PI4KA: variants seen among roughly 807,000 people sequenced by gnomAD.
PI4KA encodes the protein phosphatidylinositol 4-kinase alpha.
PI4KA carries 122 observed loss-of-function variants against 271.4 expected under a neutral mutation model. The observed-to-expected ratio is 0.45, with a 90% confidence interval of 0.39 to 0.52. The LOEUF (loss-of-function observed/expected upper bound fraction) is 0.52, where lower values mean the gene tolerates loss of function less well. Ranked by LOEUF, PI4KA falls within the 20% of genes least tolerant of loss-of-function variation. PI4KA has a pLI of 0.00. For missense variants in PI4KA, 1,969 were observed against 2,769.1 expected, an observed-to-expected ratio of 0.71 and a Z score of 6.48; for synonymous variants, 1,041 against 1,078.8, an observed-to-expected ratio of 0.96 and a Z score of 0.69.
chr22:20,844,959 T>A (rs1004477831), intron 1 of PI4KA, among the ~76,000 whole-genome samples: 1 of 152,172 alleles, frequency 6.6e-6, no homozygotes, highest in Non-Finnish European at 1.5e-5. Flanking sequence ...GCAAGTTGTT[T>A]GTTTTTAGGG....
intron 29 of PI4KA, among the ~76,000 whole-genome samples, chr22:20,745,191 T>C (rs956126577): frequency 2.0e-5 from 3 of 152,112 alleles, no homozygotes; most frequent in Admixed American, 6.5e-5. Context: ...ACACCTTGAA[T>C]ACAAAGGCAA....
At chr22:20,813,888 T>C (rs953770739) in intron 7 of PI4KA, among the ~76,000 whole-genome samples, 1 of 152,196 alleles carries the variant, frequency 6.6e-6, no homozygotes, top group Non-Finnish European at 1.5e-5. Context: ...AACCTCTGCC[T>C]CCCAGGTTCA....
At chr22:20,836,056 A>AAACAAAACAG (rs1440517740) in intron 2 of PI4KA, among the ~76,000 whole-genome samples, 2 of 150,008 alleles carry the variant, frequency 1.3e-5, no homozygotes, top group African/African-American at 4.9e-5. Context: ...CATTTCAAAA[A>AAACAAAACAG]AACAAAACAA....
intron 16 of PI4KA, 81 bp downstream of exon 16, chr22:20,799,012 T>G: frequency 8.8e-7 from 1 of 1,140,328 alleles, no homozygotes; most frequent in Non-Finnish European, 1.3e-6. Flanking sequence ...ATATTTAATC[T>G]GTATTTGTAC....
intron 14 of PI4KA, among the ~76,000 whole-genome samples, chr22:20,800,086 C>A (rs553764188): frequency 6.6e-6 from 1 of 152,250 alleles, no homozygotes; most frequent in East Asian, 1.9e-4. Flanking sequence ...CAAAGACAAA[C>A]GGTCCCAAGA....
At chr22:20,818,591 G>A (rs778059321) in intron 6 of PI4KA, 42 bp from the exon 7 acceptor site, 1 of 1,430,774 alleles carries the variant, frequency 7.0e-7, no homozygotes, top group African/African-American at 1.5e-5. Flanking sequence ...AAAGACCAGT[G>A]AGACCTCCAT....
chr22:20,786,664 A>G (rs1934257437), intron 19 of PI4KA, among the ~76,000 whole-genome samples: 1 of 152,148 alleles, frequency 6.6e-6, no homozygotes, highest in Non-Finnish European at 1.5e-5. Context: ...AGGCACTGCC[A>G]AGAGGGAACA....
intron 9 of PI4KA, among the ~76,000 whole-genome samples, chr22:20,809,550 T>C (rs1935874255): frequency 6.6e-6 from 1 of 151,436 alleles, no homozygotes; most frequent in Non-Finnish European, 1.5e-5. Flanking sequence ...GTCCCAGAGG[T>C]GGAGTGCAGG....
At chr22:20,808,324 G>A (rs983949898) in intron 9 of PI4KA, among the ~76,000 whole-genome samples, 2 of 150,564 alleles carry the variant, frequency 1.3e-5, no homozygotes, top group Admixed American at 6.6e-5. Context: ...AGTGGCTCTC[G>A]CCTGTAATCC....
At position 20,713,334 on chromosome 22, in the gene PI4KA, G is replaced by C; in HGVS notation, c.5518C>G (p.Gln1840Glu). Residue 1840 changes from glutamine to glutamate, a missense_variant, in exon 48 of 55, where the codon CAG becomes GAG. Gln to Glu is a conservative substitution (Grantham distance 29, BLOSUM62 2). This residue lies in a region of PI4KA where 388 missense variants were observed against 521.5 expected (regional missense o/e 0.74). Coordinates refer to ENST00000255882, the MANE Select transcript of PI4KA (RefSeq NM_058004.4). ...DECSTQEADG[Q>E]KISWQAAIFK... ...ATGGCTGCCTGCCAGGAGATCTTCT[G>C]GCCGTCGGCCTCCTGCGTGCTGCAC... 6.3e-7 allele frequency: 1 copy of C among 1,599,758 alleles called. No individual in the cohort carries two copies. Among genetic ancestry groups the C allele is most frequent in the Non-Finnish European group, 8.5e-7 (1 of 1,172,386 alleles).
At chr22:20,855,601 G>C (rs762842682) in intron 1 of PI4KA, among the ~76,000 whole-genome samples, 4 of 152,188 alleles carry the variant, frequency 2.6e-5, no homozygotes, top group Admixed American at 1.3e-4. Context: ...GCTGCCTGTA[G>C]AAACCCATGC....
At chr22:20,751,620 GGGT>G (rs763401346) in intron 26 of PI4KA, 51 bp downstream of exon 26, 103 of 1,418,084 alleles carry the variant, frequency 7.3e-5, no homozygotes, top group Non-Finnish European at 9.5e-5. Flanking sequence ...AGGGCCGGCG[GGGT>G]GGTGGTAGAG....
At chr22:20,836,427 G>A (rs543908026) in intron 2 of PI4KA, among the ~76,000 whole-genome samples, 277 of 152,346 alleles carry the variant, frequency 1.8e-3, no homozygotes, top group African/African-American at 6.6e-3. Context: ...CATCTGTCGA[G>A]GATCCTAGTG....
rs361826 is a variant in PI4KA at position 20,815,379 on chromosome 22, C to CAA, written c.857-1875_857-1874dup. ...CTGGTGACAGTAGGAGACTGCGTCT[C>CAA]AAAAAAAAAAAAAAAAAAAAACAAA... On this transcript the variant is annotated intron_variant, in intron 7 of 54. Transcript: ENST00000255882. Among the ~76,000 whole-genome samples, 284 of 83,370 alleles carry CAA rather than the reference C, an allele frequency of 3.4e-3. 2 individuals are homozygous for CAA. Among genetic ancestry groups the CAA allele is most frequent in the South Asian group, 6.4e-3 (15 of 2,350 alleles). 54.7% of individuals were successfully genotyped at this position (83,370 alleles called of 152,430 possible). A position where few individuals can be genotyped will look rare whatever the true frequency, so the allele number is the denominator to read the frequency against.
chr22:20,798,686 T>A lies in PI4KA; in HGVS notation c.2006A>T (p.Gln669Leu). The change falls in exon 17 of 55, where the codon CAA becomes CTA. Residue 669 changes from glutamine to leucine, a missense_variant and splice_region_variant. By Grantham distance (113) the Gln-to-Leu change is moderately radical. Coordinates refer to ENST00000255882, the MANE Select transcript of PI4KA (RefSeq NM_058004.4). The part of the protein sequence containing the change: ...QLGCLVITGN[Q>L]YIYQEVWNLF... ...GTTCCACACTTCCTGATAGATGTAT[T>A]GCTGGGAGAGAGCAAGATGCACTGT... is the stretch of plus-strand genomic sequence containing the variant. The A allele has an allele frequency of 1.2e-6, 2 of 1,607,102 alleles. No individual in the cohort carries two copies. Among genetic ancestry groups the A allele is most frequent in the African/African-American group, 2.7e-5 (2 of 74,908 alleles).
In PI4KA at chr22:20,712,432, T is replaced by A. The variant is rs1416681509; in HGVS notation, c.5802+54A>T. 2.5e-6 allele frequency: 4 copies of A among 1,595,162 alleles called. No individual in the cohort carries two copies. The African/African-American group carries it at 4.0e-5, about 16-fold the overall frequency. ...TGGGTGGAGGCTGGGTATGGGTGGC[T>A]GGGGTGGGGTGGAGCACACACGACC... On this transcript the variant is annotated intron_variant, in intron 50 of 54. Transcript: ENST00000255882.
intron 27 of PI4KA, among the ~76,000 whole-genome samples, chr22:20,750,368 A>C (rs1377238999): frequency 1.3e-5 from 2 of 152,136 alleles, no homozygotes; most frequent in South Asian, 2.1e-4. Flanking sequence ...CTCTGCCAAC[A>C]CTTTGATTTT....
At chr22:20,832,116 CTT>C (rs1350841437) in intron 3 of PI4KA, among the ~76,000 whole-genome samples, 24 of 132,366 alleles carry the variant, frequency 1.8e-4, no homozygotes, top group East Asian at 2.2e-4. Context: ...TTTTGAAATT[CTT>C]TTTTTTTTTT....
chr22:20,737,282 G>A (rs911470526), intron 32 of PI4KA, among the ~76,000 whole-genome samples: 4 of 152,246 alleles, frequency 2.6e-5, no homozygotes, highest in African/African-American at 9.6e-5. Context: ...CCTGGGAAAA[G>A]CAGTTAGGCT....
Sources: gnomAD v4.1 joint callset for allele counts (sites outside exome capture counted in the v4.1 genomes callset) on GRCh38, gnomAD v4.1.1 for gene constraint, gnomAD v4.1.1 regional missense constraint, MANE v1.5 for transcripts, NCBI Gene and HGNC (gene_info 2026-07-23, HGNC 2026-07-21) for gene names.